The following RPH3A variants were observed in gnomAD, a reference collection of about 807,000 sequenced individuals.
RPH3A encodes the protein rabphilin-3A.
A neutral mutation model predicts 102.2 loss-of-function variants in RPH3A; 48 were observed. That is an observed-to-expected ratio of 0.47 (90% CI 0.37 to 0.60). The LOEUF (loss-of-function observed/expected upper bound fraction) is 0.60. Ranked by LOEUF, RPH3A falls within the 20% of genes least tolerant of loss-of-function variation. The probability of loss-of-function intolerance (pLI) is 0.00; values close to 1 mark genes in which losing one functional copy is unlikely to be tolerated. For synonymous variants in RPH3A, 310 were observed against 324.3 expected (o/e 0.96, Z 0.47); for missense variants, 781 against 910.1 (o/e 0.86, Z 1.83).
chr12:112,753,488 T>C (rs530145514), intron 1 of RPH3A, among the ~76,000 whole-genome samples: 2 of 152,300 alleles, frequency 1.3e-5, no homozygotes, highest in South Asian at 4.1e-4. Context: ...CAGAGGGTGA[T>C]GGGTGCTGAT....
chr12:112,842,146 T>C (rs1565913529), intron 4 of RPH3A, among the ~76,000 whole-genome samples: 1 of 152,246 alleles, frequency 6.6e-6, no homozygotes, highest in Non-Finnish European at 1.5e-5. Flanking sequence ...TATCAAAACA[T>C]TCTATTCATT....
intron 1 of RPH3A, among the ~76,000 whole-genome samples, chr12:112,692,902 G>A (rs544483038): frequency 2.0e-5 from 3 of 152,322 alleles, no homozygotes; most frequent in Admixed American, 6.5e-5. Flanking sequence ...TGCAGGTCTT[G>A]TCATGCCTGC....
intron 1 of RPH3A, among the ~76,000 whole-genome samples, chr12:112,582,355 C>T (rs1347042928): frequency 6.8e-6 from 1 of 147,282 alleles, no homozygotes; most frequent in Admixed American, 6.8e-5. Context: ...GAGCAATTCT[C>T]CCACATCCGC....
chr12:112,777,125 A>G (rs2040974033), intron 1 of RPH3A, among the ~76,000 whole-genome samples: 1 of 152,154 alleles, frequency 6.6e-6, no homozygotes, highest in African/African-American at 2.4e-5. Flanking sequence ...TACCACACTC[A>G]TCTATTTATG....
At chr12:112,769,448 A>G (rs1462473614) in intron 1 of RPH3A, among the ~76,000 whole-genome samples, 6 of 152,214 alleles carry the variant, frequency 3.9e-5, no homozygotes, top group African/African-American at 1.4e-4. Context: ...GCTGACGTGG[A>G]AGTTAATTTG....
At chr12:112,663,743 AC>A (rs2040066232) in intron 1 of RPH3A, among the ~76,000 whole-genome samples, 1 of 151,644 alleles carries the variant, frequency 6.6e-6, no homozygotes, top group Non-Finnish European at 1.5e-5. Flanking sequence ...AGACCAATAC[AC>A]CCCCAGCATG....
At chr12:112,702,197 G>C (rs1258205070) in intron 1 of RPH3A, among the ~76,000 whole-genome samples, 1 of 152,190 alleles carries the variant, frequency 6.6e-6, no homozygotes, top group Non-Finnish European at 1.5e-5. Flanking sequence ...ACTACATGAA[G>C]ACTCTCTTAG....
chr12:112,590,216 A>G (rs984311012), intron 1 of RPH3A, among the ~76,000 whole-genome samples: 4 of 152,228 alleles, frequency 2.6e-5, no homozygotes, highest in African/African-American at 9.7e-5. Flanking sequence ...AGTGCTGAGA[A>G]AAGAGGCTCA....
chr12:112,762,677 T>C (rs1592985299), intron 1 of RPH3A, among the ~76,000 whole-genome samples: 2 of 152,190 alleles, frequency 1.3e-5, no homozygotes, highest in South Asian at 4.1e-4. Context: ...GGACTTTTTG[T>C]TTTTGTTAGA....
At chr12:112,741,588 T>C (rs2040710065) in intron 1 of RPH3A, among the ~76,000 whole-genome samples, 2 of 152,084 alleles carry the variant, frequency 1.3e-5, no homozygotes, top group East Asian at 1.9e-4. Flanking sequence ...TGGAAGGGGA[T>C]AGAGATGGGA....
intron 1 of RPH3A, among the ~76,000 whole-genome samples, chr12:112,636,146 A>G (rs2039847300): frequency 6.6e-6 from 1 of 152,206 alleles, no homozygotes; most frequent in African/African-American, 2.4e-5. Flanking sequence ...TAGCACTTGA[A>G]ACATTTGACT....
chr12:112,707,484 G>T (rs2040433873), intron 1 of RPH3A, among the ~76,000 whole-genome samples: 1 of 152,218 alleles, frequency 6.6e-6, no homozygotes, highest in Admixed American at 6.5e-5. Context: ...CCAATAGGTG[G>T]CAGGGCTGGG....
intron 5 of RPH3A, among the ~76,000 whole-genome samples, chr12:112,854,556 G>A (rs959417410): frequency 3.9e-5 from 6 of 152,200 alleles, no homozygotes; most frequent in African/African-American, 1.2e-4. Flanking sequence ...TAAGTGGTGG[G>A]GACTGGGATT....
chr12:112,748,357 A>C (rs2040762449), intron 1 of RPH3A, among the ~76,000 whole-genome samples: 1 of 151,968 alleles, frequency 6.6e-6, no homozygotes, highest in Non-Finnish European at 1.5e-5. Context: ...TTTTTGAGAC[A>C]GCACCTTACT....
At chr12:112,717,934 A>G (rs1565859252) in intron 1 of RPH3A, 1 of 152,198 alleles carries the variant, frequency 6.6e-6, no homozygotes, top group Non-Finnish European at 1.5e-5. Flanking sequence ...TTTAATAGAC[A>G]TGTAGTACTG....
Position 112,619,979 on chromosome 12 carries a change from G to A in RPH3A, c.-140+44660G>A, listed in dbSNP as rs138205415. Among the ~76,000 whole-genome samples the A allele has an allele frequency of 5.7e-4, 87 of 152,280 alleles. 2 individuals carry two copies. In the East Asian group the frequency reaches 7.5e-3, roughly 13 times the overall value. ...TAGTTCACATAACTAAAATGTCTAG[G>A]ACACCTCAAGCTTCAGGTGTGGCTT... On this transcript the variant is annotated intron_variant, in intron 1 of 21. Coordinates refer to the RPH3A transcript ENST00000543106.
At chr12:112,847,634 C>T in intron 4 of RPH3A, 62 bp from the exon 5 acceptor site, 2 of 1,556,668 alleles carry the variant, frequency 1.3e-6, no homozygotes, top group Non-Finnish European at 1.8e-6. Context: ...AGTGAGTTTC[C>T]CGGCAGGAAT....
chr12:112,881,553 G>T (rs1397933882), intron 14 of RPH3A, among the ~76,000 whole-genome samples: 1 of 152,178 alleles, frequency 6.6e-6, no homozygotes, highest in Non-Finnish European at 1.5e-5. Context: ...CTTGCCTAAG[G>T]TCACATAGCC....
At chr12:112,679,570 C>T (rs149357208) in intron 1 of RPH3A, among the ~76,000 whole-genome samples, 19 of 152,152 alleles carry the variant, frequency 1.2e-4, no homozygotes, top group Admixed American at 3.3e-4. Context: ...GGATTACAGG[C>T]GTGCACCACC....
Sources: allele counts gnomAD v4.1 joint callset (sites outside exome capture counted in the v4.1 genomes callset), GRCh38; gene constraint gnomAD v4.1.1; transcripts MANE v1.5; gene names NCBI Gene and HGNC (gene_info 2026-07-23, HGNC 2026-07-21).